Variants in WLS observed in about 807,000 individuals in gnomAD.
WLS encodes protein wntless homolog.
A neutral mutation model predicts 62.8 loss-of-function variants in WLS; 23 were observed. The observed-to-expected ratio is 0.37, with a 90% CI of 0.26 to 0.52. The LOEUF (loss-of-function observed/expected upper bound fraction) is 0.52, where lower values mean the gene tolerates loss of function less well. WLS is among the 20% of genes least tolerant of loss of function. The pLI is 0.92. For missense variants in WLS, 615 were observed against 697.3 expected, an observed-to-expected ratio of 0.88 and a Z score of 1.33; for synonymous variants, 246 against 244.1, an observed-to-expected ratio of 1.01 and a Z score of -0.07.
intron 11 of WLS, among the ~76,000 whole-genome samples, chr1:68,137,317 C>G (rs1311930811): frequency 6.6e-6 from 1 of 152,106 alleles, no homozygotes; most frequent in East Asian, 1.9e-4. Context: ...TTTAGACATA[C>G]ATCGAAAAAT....
intron 10 of WLS, 36 bp from the exon 11 acceptor site, chr1:68,137,969 G>C (rs747984899): frequency 8.7e-6 from 14 of 1,610,474 alleles, no homozygotes; most frequent in Non-Finnish European, 1.2e-5. Flanking sequence ...AATTGAAACA[G>C]AGAAGAAACA....
chr1:68,118,739 G>A (rs1646326167), intron 11 of WLS, among the ~76,000 whole-genome samples: 11 of 151,844 alleles, frequency 7.2e-5, no homozygotes, highest in Admixed American at 6.6e-4. Flanking sequence ...GCTGGGCGTG[G>A]TGGCAGATGC....
At chr1:68,113,860 C>T (rs534378554) in intron 11 of WLS, among the ~76,000 whole-genome samples, 2 of 152,300 alleles carry the variant, frequency 1.3e-5, no homozygotes, top group Non-Finnish European at 2.9e-5. Flanking sequence ...GGGAGCAGAA[C>T]GATAATGTGC....
At chr1:68,148,693 G>T in intron 6 of WLS, 33 bp from the exon 7 acceptor site, 1 of 1,604,608 alleles carries the variant, frequency 6.2e-7, no homozygotes, top group South Asian at 1.1e-5. Context: ...GGGAGATAGA[G>T]GGGAGAGGAA....
rs567534054 is a variant in WLS, at chr1:68,125,410, G to A, written c.*816C>T. 1.0e-6 allele frequency: 1 copy of A among 958,264 alleles called. No homozygotes were observed. The allele number at this position is 958,264 out of a possible 1,614,324, so 59.4% of individuals were successfully genotyped here. ...ATGTACACATATGCATATACATACAGGTTTATTTAAATGATTGGATCTACA... is the reference window on the plus strand; with the variant it reads ...ATGTACACATATGCATATACATACAAGTTTATTTAAATGATTGGATCTACA... On this transcript the variant is annotated 3_prime_UTR_variant, in exon 12 of 12. Coordinates refer to ENST00000262348, the MANE Select transcript of WLS (RefSeq NM_024911.7).
intron 10 of WLS, among the ~76,000 whole-genome samples, chr1:68,140,593 A>G (rs1274616182): frequency 6.6e-6 from 1 of 152,240 alleles, no homozygotes; most frequent in Non-Finnish European, 1.5e-5. Context: ...AGGAAATATC[A>G]GACTCATGCT....
At chr1:68,112,242 A>G (rs1280770610) in intron 11 of WLS, among the ~76,000 whole-genome samples, 2 of 152,224 alleles carry the variant, frequency 1.3e-5, no homozygotes, top group Non-Finnish European at 2.9e-5. Flanking sequence ...TCTCCTGGCC[A>G]GGTGCTCTTA....
intron 2 of WLS, among the ~76,000 whole-genome samples, chr1:68,182,396 A>G (rs924476401): frequency 6.6e-6 from 1 of 152,222 alleles, no homozygotes; most frequent in Non-Finnish European, 1.5e-5. Flanking sequence ...TTCCAAAGGA[A>G]GAGCTGTCAA....
chr1:68,131,552 C>T (rs373287819), intron 11 of WLS, among the ~76,000 whole-genome samples: 10 of 151,904 alleles, frequency 6.6e-5, no homozygotes, highest in South Asian at 2.1e-4. Context: ...AGGCTTGGAG[C>T]GAGCCATTGC....
At chr1:68,099,383 C>G (rs532459064) in intron 11 of WLS, among the ~76,000 whole-genome samples, 8 of 152,242 alleles carry the variant, frequency 5.3e-5, no homozygotes, top group African/African-American at 1.9e-4. Flanking sequence ...GGCTTGTATA[C>G]TCAATAAAGT....
rs141251765 is a variant in WLS, at chr1:68,215,116, G to A, written c.106+17078C>T. ...GATTCTCTTAAGGCACATGGACTGA[G>A]AGTGGGGAAAAAAATGCTCCACAAA... On this transcript the variant is annotated intron_variant, in intron 1 of 11. Coordinates refer to ENST00000262348, the MANE Select transcript of WLS (RefSeq NM_024911.7). 3.5e-3 allele frequency among the ~76,000 whole-genome samples: 540 copies of A among 152,274 alleles called. 5 individuals carry two copies. The highest frequency in any genetic ancestry group is 0.012 in the African/African-American group (498 of 41,568).
chr1:68,181,827 C>T (rs1647592253), intron 2 of WLS, among the ~76,000 whole-genome samples: 1 of 152,208 alleles, frequency 6.6e-6, no homozygotes, highest in Admixed American at 6.5e-5. Flanking sequence ...GAACCACAAA[C>T]ACTCTTACTT....
intron 1 of WLS, among the ~76,000 whole-genome samples, chr1:68,221,981 G>A (rs575594555): frequency 2.6e-5 from 4 of 152,252 alleles, no homozygotes; most frequent in East Asian, 1.9e-4. Context: ...GACGAAGAAT[G>A]AGGAATTTTG....
At chr1:68,202,012 G>C (rs776083550) in intron 1 of WLS, 14 of 152,150 alleles carry the variant, frequency 9.2e-5, no homozygotes, top group Admixed American at 6.5e-5. Context: ...CTCAATTGTT[G>C]TGGAGCCAAA....
downstream of WLS, among the ~76,000 whole-genome samples, chr1:68,124,048 C>G (rs144526516): frequency 1.1e-3 from 165 of 152,260 alleles, no homozygotes; most frequent in African/African-American, 3.8e-3. Flanking sequence ...TGTCCGAAAC[C>G]CCACCCATTC....
chr1:68,099,292 G>A (rs1249852390), intron 11 of WLS, among the ~76,000 whole-genome samples: 1 of 152,146 alleles, frequency 6.6e-6, no homozygotes, highest in Admixed American at 6.5e-5. Context: ...AAAAGATCTG[G>A]TAGGGTGAAG....
chr1:68,203,977 G>A (rs1649165982), intron 1 of WLS, among the ~76,000 whole-genome samples: 1 of 152,176 alleles, frequency 6.6e-6, no homozygotes, highest in South Asian at 2.1e-4. Flanking sequence ...AGGGAATGGA[G>A]AAATTAAGGT....
intron 1 of WLS, among the ~76,000 whole-genome samples, chr1:68,212,678 G>A (rs563485266): frequency 6.6e-6 from 1 of 152,022 alleles, no homozygotes; most frequent in Non-Finnish European, 1.5e-5. Context: ...ATATGTCATT[G>A]CCTGTCTACT....
intron 1 of WLS, among the ~76,000 whole-genome samples, chr1:68,197,508 C>A (rs922403575): frequency 1.3e-5 from 2 of 152,064 alleles, no homozygotes; most frequent in Non-Finnish European, 2.9e-5. Flanking sequence ...TTCCGTTTTT[C>A]TAATAGTGTT....
Sources: gnomAD v4.1 joint callset for allele counts (sites outside exome capture counted in the v4.1 genomes callset) on GRCh38, gnomAD v4.1.1 for gene constraint, MANE v1.5 for transcripts, NCBI Gene and HGNC (gene_info 2026-07-23, HGNC 2026-07-21) for gene names.